The following FAM13C variants were observed in gnomAD, a reference collection of about 807,000 sequenced individuals.
The protein encoded by FAM13C is family with sequence similarity 13 member C.
FAM13C carries 37 observed loss-of-function variants against 73.2 expected under a neutral mutation model. That is an observed-to-expected ratio of 0.51 (90% CI 0.39 to 0.67). The LOEUF (loss-of-function observed/expected upper bound fraction) is 0.67, where lower values mean the gene tolerates loss of function less well. FAM13C is among the 30% of genes least tolerant of loss of function. FAM13C has a pLI of 0.00. For missense variants in FAM13C, 589 were observed against 715.6 expected, an observed-to-expected ratio of 0.82 and a Z score of 2.02; for synonymous variants, 246 against 260.9, an observed-to-expected ratio of 0.94 and a Z score of 0.55.
At chr10:59,293,440 G>C (rs1300475288) in intron 5 of FAM13C, among the ~76,000 whole-genome samples, 2 of 152,046 alleles carry the variant, frequency 1.3e-5, no homozygotes, top group Admixed American at 6.6e-5. Flanking sequence ...TCTGTGACTG[G>C]CTTATTTCAT....
chr10:59,336,167 A>C (rs976897212), intron 3 of FAM13C, among the ~76,000 whole-genome samples: 21 of 152,236 alleles, frequency 1.4e-4, no homozygotes, highest in African/African-American at 4.3e-4. Context: ...AATTGTGCTC[A>C]AAAATAATCC....
intron 13 of FAM13C, chr10:59,251,343 A>G (rs1454640359): frequency 1.5e-5 from 7 of 474,288 alleles, no homozygotes; most frequent in Non-Finnish European, 2.6e-5. Flanking sequence ...TTTGGAGTTT[A>G]TCCTTTATTT....
chr10:59,348,146 G>T (rs1239757218), intron 3 of FAM13C, among the ~76,000 whole-genome samples: 1 of 152,172 alleles, frequency 6.6e-6, no homozygotes, highest in Non-Finnish European at 1.5e-5. Context: ...GTGCTTTTCA[G>T]TTTCAAAGAG....
chr10:59,274,038 C>T (rs955414534), intron 6 of FAM13C, among the ~76,000 whole-genome samples: 10 of 152,040 alleles, frequency 6.6e-5, no homozygotes, highest in African/African-American at 2.2e-4. Context: ...TCCAAAATGC[C>T]AAACTTCAGC....
chr10:59,258,813 C>T (rs535051534), intron 10 of FAM13C, among the ~76,000 whole-genome samples: 1 of 152,202 alleles, frequency 6.6e-6, no homozygotes, highest in Admixed American at 6.5e-5. Context: ...CCAACAACAA[C>T]CTGCTTATAA....
chr10:59,298,021 C>T (rs1212399692), intron 5 of FAM13C, among the ~76,000 whole-genome samples: 1 of 152,240 alleles, frequency 6.6e-6, no homozygotes, highest in Non-Finnish European at 1.5e-5. Flanking sequence ...AAGACTCATG[C>T]AACATTTATC....
At chr10:59,326,510 T>C (rs992707397) in intron 3 of FAM13C, among the ~76,000 whole-genome samples, 2 of 152,188 alleles carry the variant, frequency 1.3e-5, no homozygotes. Context: ...ATCATGAAAG[T>C]TCTGATCTAT....
intron 2 of FAM13C, among the ~76,000 whole-genome samples, chr10:59,353,095 C>A (rs929211371): frequency 6.6e-6 from 1 of 152,206 alleles, no homozygotes; most frequent in Admixed American, 6.5e-5. Context: ...GCCCTGAATG[C>A]AAAGTCAAAC....
chr10:59,333,252 C>T (rs147937677), intron 3 of FAM13C, among the ~76,000 whole-genome samples: 3,190 of 152,142 alleles, frequency 0.021, 65 homozygotes, highest in Non-Finnish European at 0.032. Context: ...TTTGAGAGGC[C>T]GAGGCATGCA....
intron 3 of FAM13C, among the ~76,000 whole-genome samples, chr10:59,344,776 T>C (rs568669611): frequency 4.6e-5 from 7 of 152,330 alleles, no homozygotes; most frequent in Non-Finnish European, 1.0e-4. Context: ...CATATCCAAC[T>C]GCAGCTATAG....
In FAM13C at chr10:59,283,398, G is replaced by A. The variant is rs772450195; in HGVS notation, c.557C>T (p.Thr186Ile). 2 of 1,614,190 alleles carry A rather than the reference G, an allele frequency of 1.2e-6. No individual in the cohort carries two copies. The highest frequency in any genetic ancestry group is 1.1e-5 in the South Asian group (1 of 91,088). ...TGTCCCATCGGCAAGCACGCTCTGG[G>A]TTGATGCTGGCGCCGGGTCCTTGAC... ...HGVKDPAPAS[T>I]QSVLADGTDS... is the part of the protein sequence containing the mutation. Residue 186 changes from threonine (T) to isoleucine (I), a missense_variant, in exon 6 of 14, where the codon ACC (threonine) becomes ATC (isoleucine). Physicochemically the swap from Thr to Ile is moderately conservative, Grantham distance 89. Transcript: ENST00000618804.
At chr10:59,343,508 C>G (rs778591019) in intron 3 of FAM13C, among the ~76,000 whole-genome samples, 30 of 152,178 alleles carry the variant, frequency 2.0e-4, no homozygotes, top group Non-Finnish European at 4.0e-4. Flanking sequence ...CATTCTCCCC[C>G]TTAGGACATA....
chr10:59,331,888 A>T (rs941909838), intron 3 of FAM13C, among the ~76,000 whole-genome samples: 9 of 152,242 alleles, frequency 5.9e-5, no homozygotes, highest in African/African-American at 2.2e-4. Context: ...TTGCTGTTCC[A>T]TGAGATGGAC....
At chr10:59,342,264 T>C (rs1386956873) in intron 3 of FAM13C, among the ~76,000 whole-genome samples, 2 of 152,098 alleles carry the variant, frequency 1.3e-5, no homozygotes, top group African/African-American at 4.8e-5. Context: ...TTCATGCTGT[T>C]TGAACACTAA....
chr10:59,350,187 A>C (rs1257791304), intron 3 of FAM13C, among the ~76,000 whole-genome samples: 1 of 152,196 alleles, frequency 6.6e-6, no homozygotes, highest in East Asian at 1.9e-4. Flanking sequence ...TGGGAATTTT[A>C]CCTGCAGTCC....
chr10:59,263,628 G>A (rs1024110524), intron 9 of FAM13C, among the ~76,000 whole-genome samples: 4 of 152,124 alleles, frequency 2.6e-5, no homozygotes, highest in African/African-American at 9.7e-5. Context: ...AGAAAAAGAA[G>A]GACACTAGCC....
chr10:59,288,773 G>C (rs537022384), intron 5 of FAM13C, among the ~76,000 whole-genome samples: 1 of 152,290 alleles, frequency 6.6e-6, no homozygotes, highest in South Asian at 2.1e-4. Context: ...AGGCAAAGAG[G>C]AAGAAACTCT....
chr10:59,329,517 C>A (rs1851680938), intron 3 of FAM13C, among the ~76,000 whole-genome samples: 2 of 151,758 alleles, frequency 1.3e-5, no homozygotes, highest in South Asian at 4.2e-4. Context: ...CACCACCATG[C>A]CCAGCTAATT....
chr10:59,324,212 C>T lies in FAM13C; in HGVS notation c.325-106G>A, dbSNP rs570502077. On this transcript the variant is annotated intron_variant, in intron 3 of 13. Coordinates refer to ENST00000618804, the MANE Select transcript of FAM13C (RefSeq NM_198215.4). ...GGGGCAGGGAAGCAGCAATGCATAA[C>T]ACATTCTGCTGATTGTAGTGTGGGA... 3.6e-6 allele frequency: 3 copies of T among 823,610 alleles called. No homozygotes were observed. In the African/African-American group the frequency reaches 5.2e-5, roughly 14 times the overall value. The allele number at this position is 823,610 out of a possible 1,614,324, so 51.0% of individuals were successfully genotyped here.
Sources: gnomAD v4.1 joint callset for allele counts (sites outside exome capture counted in the v4.1 genomes callset) on GRCh38, gnomAD v4.1.1 for gene constraint, MANE v1.5 for transcripts, NCBI Gene and HGNC (gene_info 2026-07-23, HGNC 2026-07-21) for gene names.